TMEM182: variants seen among roughly 807,000 people sequenced by gnomAD.
TMEM182 encodes the protein transmembrane protein 182.
A neutral mutation model predicts 26.8 loss-of-function variants in TMEM182; 20 were observed. The observed-to-expected ratio is 0.75, with a 90% CI of 0.53 to 1.09. The LOEUF (loss-of-function observed/expected upper bound fraction) is 1.09. Ranked by LOEUF, TMEM182 falls within the 50% of genes least tolerant of loss-of-function variation. The pLI is 0.00. For synonymous variants in TMEM182, 109 were observed against 102.2 expected, an observed-to-expected ratio of 1.07 and a Z score of -0.40; for missense variants, 277 against 275.5, an observed-to-expected ratio of 1.01 and a Z score of -0.04.
intron 1 of TMEM182, among the ~76,000 whole-genome samples, chr2:102,740,182 G>C (rs2104625271): frequency 6.6e-6 from 1 of 152,314 alleles, no homozygotes; most frequent in South Asian, 2.1e-4. Flanking sequence ...GTAAAATACT[G>C]TAGCAAGAAT....
chr2:102,751,712 C>G (rs2104640396), intron 1 of TMEM182, among the ~76,000 whole-genome samples: 1 of 152,272 alleles, frequency 6.6e-6, no homozygotes, highest in East Asian at 1.9e-4. Flanking sequence ...GAGACAGGGT[C>G]TCACTCTGTT....
intron 3 of TMEM182, among the ~76,000 whole-genome samples, chr2:102,825,788 C>G (rs1404485373): frequency 6.6e-6 from 1 of 152,158 alleles, no homozygotes; most frequent in Admixed American, 6.5e-5. Flanking sequence ...CTTACTTTGT[C>G]TGGTGGTGTC....
At chr2:102,748,042 C>T (rs1679767763) in intron 1 of TMEM182, among the ~76,000 whole-genome samples, 1 of 152,184 alleles carries the variant, frequency 6.6e-6, no homozygotes, top group Non-Finnish European at 1.5e-5. Context: ...GACTTAGAGG[C>T]CCATGCCCCT....
chr2:102,842,932 G>A (rs1417268004), intron 3 of TMEM182, among the ~76,000 whole-genome samples: 4 of 152,136 alleles, frequency 2.6e-5, no homozygotes, highest in Non-Finnish European at 4.4e-5. Flanking sequence ...TGACATACAT[G>A]GAGGGGCCAC....
At chr2:102,822,967 C>T (rs1682957187) in intron 3 of TMEM182, among the ~76,000 whole-genome samples, 1 of 152,202 alleles carries the variant, frequency 6.6e-6, no homozygotes, top group Non-Finnish European at 1.5e-5. Context: ...TTAGTATGTA[C>T]TAGTTCCAGC....
intron 3 of TMEM182, among the ~76,000 whole-genome samples, chr2:102,764,903 A>T (rs1680365735): frequency 6.6e-6 from 1 of 151,752 alleles, no homozygotes; most frequent in Admixed American, 6.6e-5. Context: ...AAATGACTGA[A>T]CTCTGTGTGT....
chr2:102,751,789 C>G (rs1295249023), intron 1 of TMEM182, among the ~76,000 whole-genome samples: 1 of 152,160 alleles, frequency 6.6e-6, no homozygotes. Context: ...GCCTTAGCAT[C>G]CCAACTATCT....
intron 3 of TMEM182, among the ~76,000 whole-genome samples, chr2:102,841,761 G>A (rs1683355974): frequency 6.6e-6 from 1 of 152,186 alleles, no homozygotes; most frequent in South Asian, 2.1e-4. Context: ...TGACTGTTTG[G>A]ACAGGTAGTT....
At chr2:102,796,006 C>G (rs1264883857) in intron 3 of TMEM182, among the ~76,000 whole-genome samples, 1 of 152,144 alleles carries the variant, frequency 6.6e-6, no homozygotes, top group Non-Finnish European at 1.5e-5. Flanking sequence ...CACGCCTCCA[C>G]TGGGGCAGCA....
At chr2:102,807,406 A>G (rs1682388910) in intron 4 of TMEM182, among the ~76,000 whole-genome samples, 2 of 152,258 alleles carry the variant, frequency 1.3e-5, no homozygotes, top group Admixed American at 1.3e-4. Context: ...GTGGACGATT[A>G]TGCATTAGTT....
intron 3 of TMEM182, among the ~76,000 whole-genome samples, chr2:102,833,287 T>A (rs1033717843): frequency 2.6e-5 from 4 of 152,150 alleles, no homozygotes; most frequent in Non-Finnish European, 5.9e-5. Flanking sequence ...ATAACAACCA[T>A]GTTAATTTTG....
chr2:102,828,556 A>G (rs1027817054), intron 3 of TMEM182, among the ~76,000 whole-genome samples: 2 of 152,202 alleles, frequency 1.3e-5, no homozygotes, highest in African/African-American at 4.8e-5. Context: ...GGTAGGAGAT[A>G]ACCTGTTGGT....
intron 1 of TMEM182, among the ~76,000 whole-genome samples, chr2:102,752,394 C>T (rs992713298): frequency 1.3e-5 from 2 of 152,166 alleles, no homozygotes; most frequent in Admixed American, 6.5e-5. Flanking sequence ...TAAGTGCTTA[C>T]CCCATACCAC....
intron 3 of TMEM182, among the ~76,000 whole-genome samples, chr2:102,836,433 AC>A (rs1683248566): frequency 6.6e-6 from 1 of 152,170 alleles, no homozygotes; most frequent in South Asian, 2.1e-4. Flanking sequence ...CCATTGTAAT[AC>A]GTATATAATG....
chr2:102,738,568 G>A (rs1327054218), intron 1 of TMEM182, among the ~76,000 whole-genome samples: 4 of 152,140 alleles, frequency 2.6e-5, no homozygotes, highest in Non-Finnish European at 4.4e-5. Context: ...CTCCAGCCTG[G>A]CAACAGAGGG....
At chr2:102,826,300 G>C (rs1249990091) in intron 3 of TMEM182, among the ~76,000 whole-genome samples, 3 of 130,394 alleles carry the variant, frequency 2.3e-5, no homozygotes, top group South Asian at 2.6e-4. Context: ...TCTGCAGCTG[G>C]CTTTTTTTTT....
chr2:102,746,181 G>T (rs1277459445), intron 1 of TMEM182, among the ~76,000 whole-genome samples: 3 of 152,138 alleles, frequency 2.0e-5, no homozygotes, highest in African/African-American at 7.2e-5. Flanking sequence ...ACATTTCTCT[G>T]ATGGCTAATG....
chr2:102,742,549 CA>C (rs1679575174), intron 1 of TMEM182, among the ~76,000 whole-genome samples: 1 of 152,120 alleles, frequency 6.6e-6, no homozygotes, highest in Non-Finnish European at 1.5e-5. Flanking sequence ...TAATGACAGA[CA>C]CCAAACCACA....
rs763378625 is a variant in TMEM182, at chr2:102,766,941, G to A, written c.331+2514G>A. Among the ~76,000 whole-genome samples, 6 of 152,106 alleles carry A rather than the reference G, an allele frequency of 3.9e-5. No individual in the cohort carries two copies. In the South Asian group the frequency reaches 6.2e-4, roughly 16 times the overall value. On this transcript the variant is annotated intron_variant, in intron 3 of 4. Coordinates refer to ENST00000412401, the MANE Select transcript of TMEM182 (RefSeq NM_144632.5). The stretch of plus-strand genomic sequence containing the variant: ...AATTTTAGAATTATAGGACACTACC[G>A]ATGAAATTATCCTTTTATAATAAGG...
Sources: gnomAD v4.1 joint callset for allele counts (sites outside exome capture counted in the v4.1 genomes callset) on GRCh38, gnomAD v4.1.1 for gene constraint, MANE v1.5 for transcripts, NCBI Gene and HGNC (gene_info 2026-07-23, HGNC 2026-07-21) for gene names.